The following SPATA17 variants were observed in gnomAD, a reference collection of about 807,000 sequenced individuals.
SPATA17 encodes spermatogenesis-associated protein 17.
In SPATA17, 53 loss-of-function variants were observed where a neutral mutation model predicts 62.2. That is an observed-to-expected ratio of 0.85 (90% confidence interval 0.68 to 1.07). SPATA17 has a LOEUF of 1.07. Among genes scored for constraint, SPATA17 ranks in the 50% least tolerant of loss-of-function variants. The pLI, the probability that SPATA17 is intolerant of heterozygous loss-of-function variation, is 0.00. For synonymous variants in SPATA17, 146 were observed against 146.8 expected, an observed-to-expected ratio of 0.99 and a Z score of 0.04; for missense variants, 466 against 425.5, an observed-to-expected ratio of 1.10 and a Z score of -0.84.
intron 7 of SPATA17, among the ~76,000 whole-genome samples, chr1:217,777,549 C>G (rs1402064804): frequency 6.6e-6 from 1 of 152,052 alleles, no homozygotes; most frequent in African/African-American, 2.4e-5. Flanking sequence ...TTACAGGCAC[C>G]TGCCACCATG....
chr1:217,759,987 A>C (rs1014727779), intron 6 of SPATA17, among the ~76,000 whole-genome samples: 2 of 152,220 alleles, frequency 1.3e-5, no homozygotes, highest in African/African-American at 4.8e-5. Context: ...AGTACAAAGG[A>C]AGAACTATTT....
Position 217,648,988 on chromosome 1 carries a change from A to T in SPATA17, c.158+17A>T, listed in dbSNP as rs369823602. The T allele has an allele frequency of 5.8e-6, 9 of 1,542,576 alleles. No homozygotes were observed. The African/African-American group carries it at 1.1e-4, about 19-fold the overall frequency. On this transcript the variant is annotated intron_variant, in intron 2 of 10. Transcript: ENST00000366933. Reference sequence around the variant, plus strand: ...ATATATCAGGTATATTGCTTTTGTCATGGAAACCTCAGATATATCATAAAA... The same window carrying T: ...ATATATCAGGTATATTGCTTTTGTCTTGGAAACCTCAGATATATCATAAAA...
chr1:217,662,105 T>A (rs967867990), intron 3 of SPATA17, among the ~76,000 whole-genome samples: 3 of 152,214 alleles, frequency 2.0e-5, no homozygotes, highest in Admixed American at 2.0e-4. Flanking sequence ...AAAACTAAAT[T>A]GGATGGCTTG....
chr1:217,644,209 T>C (rs773742645), intron 1 of SPATA17, among the ~76,000 whole-genome samples: 1 of 152,196 alleles, frequency 6.6e-6, no homozygotes, highest in Non-Finnish European at 1.5e-5. Flanking sequence ...ATAATAATAA[T>C]GTTGAGGACT....
intron 9 of SPATA17, among the ~76,000 whole-genome samples, chr1:217,810,120 A>G (rs958831174): frequency 6.6e-6 from 1 of 152,190 alleles, no homozygotes; most frequent in African/African-American, 2.4e-5. Flanking sequence ...TTTTGGTTTT[A>G]TACAACAGAT....
chr1:217,857,801 G>A (rs890271759), intron 9 of SPATA17, among the ~76,000 whole-genome samples: 29 of 152,208 alleles, frequency 1.9e-4, no homozygotes, highest in African/African-American at 7.0e-4. Context: ...TTAAAAATAA[G>A]AGCAATAAAG....
chr1:217,632,774 G>C (rs1669838521), intron 1 of SPATA17, among the ~76,000 whole-genome samples: 1 of 152,122 alleles, frequency 6.6e-6, no homozygotes, highest in Non-Finnish European at 1.5e-5. Context: ...ACTAACAATA[G>C]CTAAACATAG....
At chr1:217,768,678 G>A (rs535360772) in intron 6 of SPATA17, among the ~76,000 whole-genome samples, 1 of 151,962 alleles carries the variant, frequency 6.6e-6, no homozygotes, top group South Asian at 2.1e-4. Flanking sequence ...ATTTTTGGTA[G>A]AGATGGGGTT....
At chr1:217,805,700 A>T (rs1674415644) in intron 9 of SPATA17, among the ~76,000 whole-genome samples, 1 of 152,210 alleles carries the variant, frequency 6.6e-6, no homozygotes, top group Non-Finnish European at 1.5e-5. Context: ...GATGCTCTGC[A>T]TTATTAATCA....
At chr1:217,769,488 G>T (rs1304435706) in intron 6 of SPATA17, among the ~76,000 whole-genome samples, 3 of 152,186 alleles carry the variant, frequency 2.0e-5, no homozygotes, top group African/African-American at 7.2e-5. Context: ...ACAACCTCAT[G>T]ATCTTGGCTG....
At chr1:217,803,523 A>C (rs577874959) in intron 9 of SPATA17, among the ~76,000 whole-genome samples, 1 of 152,332 alleles carries the variant, frequency 6.6e-6, no homozygotes, top group African/African-American at 2.4e-5. Context: ...GAATTTAACT[A>C]AGGAAGTAAA....
At chr1:217,633,188 ACT>A (rs1669857708) in intron 1 of SPATA17, among the ~76,000 whole-genome samples, 1 of 139,876 alleles carries the variant, frequency 7.1e-6, no homozygotes, top group Non-Finnish European at 1.5e-5. Context: ...ACAGAGCAAG[ACT>A]CTGTCTCAAA....
intron 6 of SPATA17, among the ~76,000 whole-genome samples, chr1:217,766,849 G>A (rs1049167370): frequency 1.3e-5 from 2 of 151,914 alleles, no homozygotes; most frequent in Admixed American, 6.6e-5. Flanking sequence ...TATCACCCAG[G>A]TGGTGAGCAT....
intron 1 of SPATA17, among the ~76,000 whole-genome samples, chr1:217,641,721 A>C (rs764725471): frequency 5.9e-5 from 9 of 152,150 alleles, no homozygotes; most frequent in Admixed American, 3.3e-4. Flanking sequence ...ATATGAGAGT[A>C]AGTTGCAACC....
chr1:217,793,291 G>T (rs1229461948), intron 8 of SPATA17, among the ~76,000 whole-genome samples: 5 of 143,094 alleles, frequency 3.5e-5, no homozygotes, highest in Non-Finnish European at 7.5e-5. Flanking sequence ...CACGATCTCG[G>T]CTCACTGCAA....
intron 9 of SPATA17, among the ~76,000 whole-genome samples, chr1:217,823,363 T>G (rs1448071835): frequency 6.6e-6 from 1 of 152,004 alleles, no homozygotes; most frequent in African/African-American, 2.4e-5. Context: ...AAAAGTCTTT[T>G]TCTTTTTCTA....
chr1:217,862,738 G>A (rs1248896633), intron 9 of SPATA17, 36 bp from the exon 10 acceptor site: 3 of 1,385,764 alleles, frequency 2.2e-6, no homozygotes, highest in African/African-American at 2.9e-5. Context: ...AAATCATGAA[G>A]ATCTCTGTGG....
At chr1:217,707,270 T>G (rs147057518) in intron 5 of SPATA17, among the ~76,000 whole-genome samples, 33 of 152,264 alleles carry the variant, frequency 2.2e-4, no homozygotes, top group Non-Finnish European at 4.3e-4. Context: ...TTTTATATAT[T>G]GATTTTGTAC....
At chr1:217,785,657 A>G (rs1673842335) in intron 8 of SPATA17, among the ~76,000 whole-genome samples, 1 of 152,120 alleles carries the variant, frequency 6.6e-6, no homozygotes, top group Non-Finnish European at 1.5e-5. Flanking sequence ...CTATTTCAAA[A>G]TAAGGTAACA....
Sources: allele counts gnomAD v4.1 joint callset (sites outside exome capture counted in the v4.1 genomes callset), GRCh38; gene constraint gnomAD v4.1.1; transcripts MANE v1.5; gene names NCBI Gene and HGNC (gene_info 2026-07-23, HGNC 2026-07-21).